MS4A4E: variants seen among roughly 807,000 people sequenced by gnomAD.
MS4A4E encodes membrane spanning 4-domains A4E.
A neutral mutation model predicts 13.3 loss-of-function variants in MS4A4E; 23 were observed. That is an observed-to-expected ratio of 1.73 (90% CI 1.25 to 2.45). MS4A4E has a LOEUF of 2.45. Ranked by LOEUF, MS4A4E falls within the 30% of genes most tolerant of loss-of-function variation. The pLI, the probability that MS4A4E is intolerant of heterozygous loss-of-function variation, is 0.00. For synonymous variants in MS4A4E, 36 were observed against 45.6 expected (o/e 0.79, Z 0.85); for missense variants, 144 against 131.2 (o/e 1.10, Z -0.48).
intron 3 of MS4A4E, among the ~76,000 whole-genome samples, chr11:60,216,519 A>C (rs1184819293): frequency 6.6e-6 from 1 of 152,150 alleles, no homozygotes; most frequent in Non-Finnish European, 1.5e-5. Flanking sequence ...TGAAATAAAA[A>C]GTACACATAA....
chr11:60,239,510 G>T (rs893545835), intron 1 of MS4A4E, among the ~76,000 whole-genome samples: 21 of 152,238 alleles, frequency 1.4e-4, no homozygotes, highest in African/African-American at 4.1e-4. Flanking sequence ...GAAAGGAGGG[G>T]TCTATATAAC....
intron 1 of MS4A4E, among the ~76,000 whole-genome samples, chr11:60,238,916 A>G (rs1159882166): frequency 6.6e-6 from 1 of 152,230 alleles, no homozygotes; most frequent in East Asian, 1.9e-4. Context: ...TCAACCATGA[A>G]CCAGCCTTAC....
intron 1 of MS4A4E, among the ~76,000 whole-genome samples, chr11:60,238,695 G>A (rs1004691482): frequency 2.0e-4 from 31 of 152,072 alleles, no homozygotes; most frequent in Admixed American, 1.8e-3. Flanking sequence ...TTTTCTACAA[G>A]TTGTTTCCAT....
At chr11:60,229,871 A>G (rs1404762487) in intron 2 of MS4A4E, 41 bp downstream of exon 2, 1 of 1,556,970 alleles carries the variant, frequency 6.4e-7, no homozygotes, top group African/African-American at 1.4e-5. Flanking sequence ...ATGTGAGTTT[A>G]CAACACTATT....
At chr11:60,209,495 C>A (rs1177879176) in intron 5 of MS4A4E, among the ~76,000 whole-genome samples, 1 of 152,172 alleles carries the variant, frequency 6.6e-6, no homozygotes, top group Non-Finnish European at 1.5e-5. Context: ...AACTTCTGAC[C>A]TCCAGAAACA....
chr11:60,228,630 G>A lies in MS4A4E; in HGVS notation c.145-3C>T, dbSNP rs116873288. 1.5e-3 allele frequency: 1,029 copies of A among 697,146 alleles called. 9 individuals carry two copies. The highest frequency in any genetic ancestry group is 0.013 in the African/African-American group (729 of 57,268). 43.2% of individuals were successfully genotyped at this position (697,146 alleles called of 1,614,324 possible). Reference sequence around the variant, plus strand: ...GAAAACTTATGTCCACACAAAACCTGCACACAGATATTTATAGCAACGTTA... The same window carrying A: ...GAAAACTTATGTCCACACAAAACCTACACACAGATATTTATAGCAACGTTA... On this transcript the variant is annotated splice_polypyrimidine_tract_variant and splice_region_variant and intron_variant, in intron 2 of 8. Coordinates refer to ENST00000651255, the MANE Select transcript of MS4A4E (RefSeq NM_001393391.1).
At chr11:60,235,963 C>A (rs1206787585) in intron 1 of MS4A4E, among the ~76,000 whole-genome samples, 1 of 152,074 alleles carries the variant, frequency 6.6e-6, no homozygotes, top group Non-Finnish European at 1.5e-5. Context: ...AGAAAGTGTC[C>A]AACTTCATTC....
At chr11:60,202,839 C>T (rs1009869489) in intron 8 of MS4A4E, among the ~76,000 whole-genome samples, 1 of 152,160 alleles carries the variant, frequency 6.6e-6, no homozygotes, top group South Asian at 2.1e-4. Flanking sequence ...GAAAACTGTA[C>T]TACAGTTGGA....
rs2084382804 is a variant in MS4A4E at position 60,229,596 on chromosome 11, G to A, written c.144+316C>T. Among the ~76,000 whole-genome samples the A allele has an allele frequency of 4.6e-5, 7 of 152,120 alleles. No individual in the cohort carries two copies. In the South Asian group the frequency reaches 1.5e-3, roughly 32 times the overall value. On this transcript the variant is annotated intron_variant, in intron 2 of 8. Transcript: ENST00000651255. The stretch of plus-strand genomic sequence containing the variant: ...TCAGCTGTCAGGAAGGCCTGTGGAG[G>A]GGGAGTCAGCTAGTGGACAGGTGGG...
At chr11:60,203,431 G>C (rs992957748) in intron 8 of MS4A4E, among the ~76,000 whole-genome samples, 1 of 152,082 alleles carries the variant, frequency 6.6e-6, no homozygotes, top group African/African-American at 2.4e-5. Context: ...GTAAGTTGTG[G>C]GGAATTTAAT....
intron 5 of MS4A4E, among the ~76,000 whole-genome samples, chr11:60,209,932 C>T (rs1167630849): frequency 1.3e-5 from 2 of 152,190 alleles, no homozygotes; most frequent in Non-Finnish European, 2.9e-5. Flanking sequence ...ACAGCTGTAG[C>T]GGCCTCTGTG....
intron 5 of MS4A4E, chr11:60,209,075 G>T (rs2084085731): frequency 6.6e-6 from 1 of 152,476 alleles, no homozygotes; most frequent in Non-Finnish European, 1.5e-5. Context: ...CAGAGTAATG[G>T]TCCCCCAGGG....
chr11:60,233,865 C>T (rs1270489577), intron 1 of MS4A4E, among the ~76,000 whole-genome samples: 1 of 152,174 alleles, frequency 6.6e-6, no homozygotes, highest in African/African-American at 2.4e-5. Context: ...AGGCCACTAG[C>T]ATGCAACTCC....
At position 60,231,000 on chromosome 11, in the gene MS4A4E, T is replaced by G. The variant is rs1298294348; in HGVS notation, c.-16-929A>C. Reference sequence around the variant, plus strand: ...TAACATAAATGAAAAAAAAAGTTATTGTAGTCCAAATTTGCTATGTACAGA... The same window carrying G: ...TAACATAAATGAAAAAAAAAGTTATGGTAGTCCAAATTTGCTATGTACAGA... On this transcript the variant is annotated intron_variant, in intron 1 of 8. Coordinates refer to ENST00000651255, the MANE Select transcript of MS4A4E (RefSeq NM_001393391.1). Among the ~76,000 whole-genome samples, 2 of 152,150 alleles carry G rather than the reference T, an allele frequency of 1.3e-5. 1 individual carries two copies. Among genetic ancestry groups the G allele is most frequent in the Non-Finnish European group, 2.9e-5 (2 of 68,014 alleles).
intron 3 of MS4A4E, among the ~76,000 whole-genome samples, chr11:60,223,948 AAT>A (rs1233506890): frequency 1.3e-5 from 2 of 152,142 alleles, no homozygotes; most frequent in African/African-American, 4.8e-5. Context: ...AACCCTGACT[AAT>A]ACACTCTCCT....
chr11:60,210,744 C>G (rs1041037422), intron 5 of MS4A4E, among the ~76,000 whole-genome samples: 1 of 152,096 alleles, frequency 6.6e-6, no homozygotes, highest in Non-Finnish European at 1.5e-5. Flanking sequence ...GCTCATAGAC[C>G]TGTGGACTGA....
intron 1 of MS4A4E, among the ~76,000 whole-genome samples, chr11:60,238,956 C>A (rs544983207): frequency 1.3e-5 from 2 of 152,238 alleles, no homozygotes; most frequent in South Asian, 4.1e-4. Flanking sequence ...CAGATACATA[C>A]AAAGAGAAAT....
At chr11:60,206,342 G>A (rs1259330769) in intron 6 of MS4A4E, among the ~76,000 whole-genome samples, 1 of 150,984 alleles carries the variant, frequency 6.6e-6, no homozygotes, top group African/African-American at 2.5e-5. Flanking sequence ...AACCTTTCAA[G>A]TGCTGCTGCC....
chr11:60,230,383 C>T (rs889836724), intron 1 of MS4A4E, among the ~76,000 whole-genome samples: 1 of 152,172 alleles, frequency 6.6e-6, no homozygotes, highest in Non-Finnish European at 1.5e-5. Flanking sequence ...ATTTCTATCC[C>T]TTTTAATGCC....
Sources: allele counts gnomAD v4.1 joint callset (sites outside exome capture counted in the v4.1 genomes callset), GRCh38; gene constraint gnomAD v4.1.1; transcripts MANE v1.5; gene names NCBI Gene and HGNC (gene_info 2026-07-23, HGNC 2026-07-21).